RAB27A: variants seen among roughly 807,000 people sequenced by gnomAD.
The protein encoded by RAB27A is ras-related protein Rab-27A.
RAB27A carries 17 observed loss-of-function variants against 20.8 expected under a neutral mutation model. That is an observed-to-expected ratio of 0.82 (90% CI 0.56 to 1.23). RAB27A has a LOEUF of 1.23. Ranked by LOEUF, RAB27A falls within the 50% of genes most tolerant of loss-of-function variation. The pLI is 0.00. For missense variants in RAB27A, 277 were observed against 266.7 expected (o/e 1.04, Z -0.27); for synonymous variants, 85 against 92.8 (o/e 0.92, Z 0.48).
At chr15:55,277,616 G>A (rs1454240541) in intron 1 of RAB27A, among the ~76,000 whole-genome samples, 1 of 152,132 alleles carries the variant, frequency 6.6e-6, no homozygotes, top group African/African-American at 2.4e-5. Flanking sequence ...CCGATGCACT[G>A]TTTTTAATTG....
intron 6 of RAB27A, among the ~76,000 whole-genome samples, chr15:55,210,136 T>TACAC (rs1566896990): frequency 4.8e-5 from 6 of 125,704 alleles, no homozygotes; most frequent in African/African-American, 2.3e-4. Context: ...ATATAGTGTA[T>TACAC]ATATGTATGT....
chr15:55,317,568 C>T (rs2055058748), intron 1 of RAB27A: 2 of 385,414 alleles, frequency 5.2e-6, no homozygotes, highest in Non-Finnish European at 9.2e-6. Context: ...CCGCCTCGGC[C>T]TCCCAAAGTG....
At chr15:55,255,939 T>A (rs552113717) in intron 2 of RAB27A, among the ~76,000 whole-genome samples, 1 of 152,330 alleles carries the variant, frequency 6.6e-6, no homozygotes, top group African/African-American at 2.4e-5. Flanking sequence ...CCTAGCTATG[T>A]GTCCTGTGGT....
intron 5 of RAB27A, among the ~76,000 whole-genome samples, chr15:55,224,237 G>A (rs544292063): frequency 6.6e-6 from 1 of 152,314 alleles, no homozygotes; most frequent in South Asian, 2.1e-4. Context: ...ATATCGGAGA[G>A]TTTATAGGAG....
At chr15:55,219,714 G>A (rs1895475344) in intron 6 of RAB27A, among the ~76,000 whole-genome samples, 1 of 152,176 alleles carries the variant, frequency 6.6e-6, no homozygotes, top group South Asian at 2.1e-4. Flanking sequence ...AAGTGTTTCA[G>A]TAACCATGTG....
intron 2 of RAB27A, among the ~76,000 whole-genome samples, chr15:55,311,703 T>TC (rs2055021301): frequency 6.6e-6 from 1 of 152,134 alleles, no homozygotes; most frequent in African/African-American, 2.4e-5. Context: ...GCCAGGTTTC[T>TC]CCCCCTTGAA....
intron 1 of RAB27A, among the ~76,000 whole-genome samples, chr15:55,286,302 A>G (rs1282371263): frequency 1.3e-5 from 2 of 152,146 alleles, no homozygotes; most frequent in Non-Finnish European, 2.9e-5. Context: ...TCTATGTGCT[A>G]TGGACATCAC....
intron 2 of RAB27A, among the ~76,000 whole-genome samples, chr15:55,310,290 T>G (rs533777034): frequency 6.6e-6 from 1 of 152,250 alleles, no homozygotes; most frequent in East Asian, 1.9e-4. Flanking sequence ...GCCACGCCAG[T>G]GTCCAGGAGA....
intron 1 of RAB27A, among the ~76,000 whole-genome samples, chr15:55,286,140 C>A (rs1028697409): frequency 1.3e-5 from 2 of 152,202 alleles, no homozygotes; most frequent in Admixed American, 1.3e-4. Flanking sequence ...TGTGCCCGAT[C>A]TCCTCTGATC....
chr15:55,224,308 C>A lies in RAB27A; in HGVS notation c.344-296G>T, dbSNP rs1033509908. Reference sequence around the variant, plus strand: ...GCACACGCACACATATGCACACACACACATACAAAACACCTTTCTTTTTTA... The same window carrying A: ...GCACACGCACACATATGCACACACAAACATACAAAACACCTTTCTTTTTTA... On this transcript the variant is annotated intron_variant, in intron 5 of 6. Transcript: ENST00000336787. Among the ~76,000 whole-genome samples, 3 of 152,356 alleles carry A rather than the reference C, an allele frequency of 2.0e-5. No individual in the cohort carries two copies. In the East Asian group the frequency reaches 5.8e-4, roughly 29 times the overall value.
chr15:55,216,352 G>GCCAAC (rs1185900217), intron 6 of RAB27A, among the ~76,000 whole-genome samples: 1 of 152,042 alleles, frequency 6.6e-6, no homozygotes. Flanking sequence ...GGCCAACATG[G>GCCAAC]TGAAACCCTG....
At chr15:55,262,367 T>C (rs373415123) in intron 2 of RAB27A, among the ~76,000 whole-genome samples, 157 of 151,732 alleles carry the variant, frequency 1.0e-3, no homozygotes, top group East Asian at 3.4e-3. Context: ...CAGTGAAACC[T>C]CGTCTCTACT....
intron 3 of RAB27A, among the ~76,000 whole-genome samples, chr15:55,234,488 A>G (rs1896170704): frequency 6.6e-6 from 1 of 152,222 alleles, no homozygotes; most frequent in Non-Finnish European, 1.5e-5. Context: ...AGGCTTCAAG[A>G]CAAAGGTAGA....
intron 2 of RAB27A, among the ~76,000 whole-genome samples, chr15:55,245,841 G>A (rs1896664280): frequency 6.6e-6 from 1 of 152,152 alleles, no homozygotes; most frequent in African/African-American, 2.4e-5. Context: ...CGGGCATGGT[G>A]GCTCATGCCA....
At chr15:55,316,785 AAAC>A (rs1056984785) in intron 1 of RAB27A, among the ~76,000 whole-genome samples, 32 of 152,222 alleles carry the variant, frequency 2.1e-4, no homozygotes, top group African/African-American at 7.2e-4. Context: ...CCATCCTCTC[AAAC>A]AACATCTACC....
intron 2 of RAB27A, among the ~76,000 whole-genome samples, chr15:55,260,685 C>T (rs1897240478): frequency 6.6e-6 from 1 of 152,202 alleles, no homozygotes; most frequent in Admixed American, 6.5e-5. Flanking sequence ...AGAAGCCAAT[C>T]TGTATGATTC....
intron 2 of RAB27A, among the ~76,000 whole-genome samples, chr15:55,255,127 G>C (rs1246399686): frequency 1.3e-5 from 2 of 152,170 alleles, no homozygotes; most frequent in African/African-American, 4.8e-5. Context: ...CATAGTATAA[G>C]AAAGGGAAGA....
chr15:55,259,109 C>T (rs1451640621), intron 2 of RAB27A, among the ~76,000 whole-genome samples: 1 of 152,158 alleles, frequency 6.6e-6, no homozygotes, highest in African/African-American at 2.4e-5. Context: ...AGCCACCATG[C>T]CCAGCCAGGT....
chr15:55,230,347 G>T (rs1202425714), intron 4 of RAB27A, 54 bp downstream of exon 4: 9 of 1,488,070 alleles, frequency 6.0e-6, no homozygotes, highest in South Asian at 1.1e-5. Flanking sequence ...TTTGAAGAAT[G>T]TAACTATTTT....
Sources: gnomAD v4.1 joint callset for allele counts (sites outside exome capture counted in the v4.1 genomes callset) on GRCh38, gnomAD v4.1.1 for gene constraint, MANE v1.5 for transcripts, NCBI Gene and HGNC (gene_info 2026-07-23, HGNC 2026-07-21) for gene names.